The following DCP1B variants were observed in gnomAD, a reference collection of about 807,000 sequenced individuals.
The protein encoded by DCP1B is decapping mRNA 1B, also known as mRNA-decapping enzyme 1B.
DCP1B carries 47 observed loss-of-function variants against 60.5 expected under a neutral mutation model. The ratio of observed to expected loss-of-function variants is 0.78; its 90% CI spans 0.61 to 0.99. The LOEUF (loss-of-function observed/expected upper bound fraction) is 0.99, where lower values mean the gene tolerates loss of function less well. Ranked by LOEUF, DCP1B falls within the 50% of genes least tolerant of loss-of-function variation. The probability of loss-of-function intolerance (pLI) is 0.00; values close to 1 mark genes in which losing one functional copy is unlikely to be tolerated. For missense variants in DCP1B, 725 were observed against 756.8 expected, an observed-to-expected ratio of 0.96 and a Z score of 0.49; for synonymous variants, 267 against 280.3, an observed-to-expected ratio of 0.95 and a Z score of 0.47.
intron 3 of DCP1B, among the ~76,000 whole-genome samples, chr12:1,989,122 G>A (rs1319741242): frequency 6.6e-6 from 1 of 152,192 alleles, no homozygotes; most frequent in Non-Finnish European, 1.5e-5. Context: ...GGTGGCTCCC[G>A]CCTGTAATGC....
At chr12:1,959,560 T>C (rs2031044030) in intron 5 of DCP1B, among the ~76,000 whole-genome samples, 2 of 152,182 alleles carry the variant, frequency 1.3e-5, no homozygotes, top group Non-Finnish European at 2.9e-5. Context: ...CCTGGTAGAA[T>C]GTCTACCATC....
intron 5 of DCP1B, among the ~76,000 whole-genome samples, chr12:1,959,985 G>A (rs1377291956): frequency 1.3e-5 from 2 of 151,736 alleles, no homozygotes; most frequent in Admixed American, 6.6e-5. Context: ...AATTTATGTT[G>A]GCTCCTCAAA....
At chr12:1,991,073 T>C (rs1322579380) in intron 3 of DCP1B, 6 of 455,774 alleles carry the variant, frequency 1.3e-5, no homozygotes, top group Non-Finnish European at 1.8e-5. Flanking sequence ...CTATTTCTTT[T>C]GTATGGAAAT....
intron 2 of DCP1B, among the ~76,000 whole-genome samples, chr12:1,996,011 G>C (rs964229488): frequency 1.3e-5 from 2 of 152,054 alleles, no homozygotes; most frequent in Non-Finnish European, 2.9e-5. Flanking sequence ...TTCCACCAAT[G>C]CTTCTGTCAT....
chr12:1,973,166 A>G (rs758906810), intron 3 of DCP1B, among the ~76,000 whole-genome samples: 10 of 152,202 alleles, frequency 6.6e-5, no homozygotes, highest in Non-Finnish European at 1.2e-4. Context: ...GGCCACTGAG[A>G]GTCTACATAG....
Position 1,996,646 on chromosome 12 carries a change from AAAAAAAAAAC to A in DCP1B, c.191+1279_191+1288del, listed in dbSNP as rs1316831977. Among the ~76,000 whole-genome samples, 242 of 57,462 alleles carry A rather than the reference AAAAAAAAAAC, an allele frequency of 4.2e-3. 13 individuals are homozygous for A. The highest frequency in any genetic ancestry group is 0.012 in the African/African-American group (145 of 11,660). 37.7% of individuals were successfully genotyped at this position (57,462 alleles called of 152,430 possible). Reference sequence around the variant, plus strand: ...AAAAAAAAAAAAAAAAAAAAAAAAAAAAAAAAAAACAACAAACTCTTCTAATGTTTTAAAG... The same window carrying A: ...AAAAAAAAAAAAAAAAAAAAAAAAAAAACAAACTCTTCTAATGTTTTAAAG... On this transcript the variant is annotated intron_variant, in intron 2 of 8. Transcript: ENST00000280665.
At chr12:1,993,561 T>G (rs142887241) in intron 2 of DCP1B, among the ~76,000 whole-genome samples, 170 bp from the exon 3 acceptor site, 14 of 152,182 alleles carry the variant, frequency 9.2e-5, no homozygotes, top group Non-Finnish European at 2.1e-4. Context: ...ATGGACTAAT[T>G]CCCATGTAAT....
chr12:1,952,309 T>G lies in DCP1B; in HGVS notation c.1524+107A>C, dbSNP rs992653658. 12 of 1,344,742 alleles carry G rather than the reference T, an allele frequency of 8.9e-6. No homozygotes were observed. In the African/African-American group the frequency reaches 1.6e-4, roughly 18 times the overall value. The allele number at this position is 1,344,742 out of a possible 1,614,324, so 83.3% of individuals were successfully genotyped here. A position where few individuals can be genotyped will look rare whatever the true frequency, so the allele number is the denominator to read the frequency against. ...CCACCTCAGCCTCCTCAGTAGCTGG[T>G]GCTATAGGCGTGTGACACCAAGCCT... On this transcript the variant is annotated intron_variant, in intron 7 of 8. Transcript: ENST00000280665.
At chr12:2,002,929 A>C (rs2042518299) in intron 1 of DCP1B, among the ~76,000 whole-genome samples, 2 of 152,222 alleles carry the variant, frequency 1.3e-5, no homozygotes, top group Admixed American at 6.5e-5. Context: ...AAACAAAAAA[A>C]GTAGGTGACA....
chr12:1,968,919 G>A (rs2031566588), intron 3 of DCP1B, among the ~76,000 whole-genome samples: 1 of 152,112 alleles, frequency 6.6e-6, no homozygotes, highest in South Asian at 2.1e-4. Flanking sequence ...TTTAGTATGT[G>A]CCTATCTATA....
intron 3 of DCP1B, among the ~76,000 whole-genome samples, chr12:1,987,208 A>G (rs2038054640): frequency 6.6e-6 from 1 of 152,208 alleles, no homozygotes; most frequent in Non-Finnish European, 1.5e-5. Context: ...CTTGGCCTCT[A>G]TACAGTTTTA....
chr12:1,960,659 C>A (rs113270012), intron 5 of DCP1B, among the ~76,000 whole-genome samples: 48 of 152,182 alleles, frequency 3.2e-4, no homozygotes, highest in South Asian at 2.3e-3. Flanking sequence ...TAAATATATA[C>A]AATTTTAATT....
chr12:1,949,799 C>T (rs986036046), intron 7 of DCP1B, among the ~76,000 whole-genome samples: 5 of 152,200 alleles, frequency 3.3e-5, no homozygotes, highest in African/African-American at 1.2e-4. Context: ...ACTCACTTCT[C>T]GTGGGGAGGG....
downstream of DCP1B, among the ~76,000 whole-genome samples, chr12:1,944,591 G>T (rs1438379827): frequency 6.6e-6 from 1 of 152,108 alleles, no homozygotes; most frequent in East Asian, 1.9e-4. Flanking sequence ...CAGATATACA[G>T]ACCAAGGAAC....
chr12:1,964,922 G>T (rs1016034772), intron 5 of DCP1B, among the ~76,000 whole-genome samples: 5 of 151,588 alleles, frequency 3.3e-5, no homozygotes, highest in African/African-American at 1.2e-4. Context: ...ACACTTCTTT[G>T]CCAGGATTTT....
At chr12:1,985,141 T>A (rs1055035192) in intron 3 of DCP1B, among the ~76,000 whole-genome samples, 1 of 152,174 alleles carries the variant, frequency 6.6e-6, no homozygotes, top group Non-Finnish European at 1.5e-5. Flanking sequence ...CTGAGTTCCT[T>A]GAATCTATAC....
chr12:2,004,346 T>C lies in DCP1B; in HGVS notation c.86A>G (p.Asn29Ser), dbSNP rs879813730. 8 of 1,613,214 alleles carry C rather than the reference T, an allele frequency of 5.0e-6. No homozygotes were observed. The highest frequency in any genetic ancestry group is 2.2e-5 in the East Asian group (1 of 44,870). ...AALQRHDPYI[N>S]RIVDVASQVA... Reference sequence around the variant, plus strand: ...CTGGCTGGCCACGTCCACGATGCGGTTGATATAGGGGTCGTGGCGCTGCAG... The same window carrying C: ...CTGGCTGGCCACGTCCACGATGCGGCTGATATAGGGGTCGTGGCGCTGCAG... Residue 29 changes from asparagine (N) to serine (S), a missense_variant, in exon 1 of 9, where the codon AAC becomes AGC. Asn to Ser is a conservative substitution (Grantham distance 46). Transcript: ENST00000280665.
In DCP1B at chr12:1,953,095, T is replaced by C. The variant is rs761931253; in HGVS notation, c.845A>G (p.His282Arg). 1.9e-6 allele frequency: 3 copies of C among 1,613,632 alleles called. No homozygotes were observed. The highest frequency in any genetic ancestry group is 2.5e-6 in the Non-Finnish European group (3 of 1,179,910). Reference protein sequence around the residue: ...RSLSYEEPRRHSPPIEKQLCP... With the variant: ...RSLSYEEPRRRSPPIEKQLCP... ...GAGCTGCTTCTCAATGGGGGGTGAG[T>C]GTCTTCTGGGTTCCTCATAGGACAG... The change falls in exon 7 of 9, where the codon CAC becomes CGC. Residue 282 changes from histidine to arginine, a missense_variant. His to Arg is a conservative substitution (Grantham distance 29). Coordinates refer to ENST00000280665, the MANE Select transcript of DCP1B (RefSeq NM_152640.5).
At chr12:1,955,307 G>A (rs992390710) in intron 6 of DCP1B, 125 bp downstream of exon 6, 14 of 1,151,954 alleles carry the variant, frequency 1.2e-5, no homozygotes, top group South Asian at 4.5e-5. Context: ...CTGAAATCCC[G>A]CTTTCTTGGG....
Sources: gnomAD v4.1 joint callset for allele counts (sites outside exome capture counted in the v4.1 genomes callset) on GRCh38, gnomAD v4.1.1 for gene constraint, MANE v1.5 for transcripts, NCBI Gene and HGNC (gene_info 2026-07-23, HGNC 2026-07-21) for gene names.